ARK2N: variants seen among roughly 807,000 people sequenced by gnomAD.
ARK2N encodes the protein arkadia (RNF111) N-terminal like PKA signaling regulator 2N.
the ARK2N span, among the ~76,000 whole-genome samples, chr18:46,182,011 T>A: frequency 2.0e-5 from 3 of 152,248 alleles, no homozygotes; most frequent in Admixed American, 1.3e-4. Flanking sequence ...TTTAAAAAAA[T>A]GACCTTTACA....
chr18:46,259,224 C>T, the ARK2N span, among the ~76,000 whole-genome samples: 1 of 151,632 alleles, frequency 6.6e-6, no homozygotes, highest in Non-Finnish European at 1.5e-5. Flanking sequence ...ACAGAAGTCA[C>T]TCTGAGCTTT....
At chr18:46,188,793 AC>A in the ARK2N span, among the ~76,000 whole-genome samples, 1 of 152,198 alleles carries the variant, frequency 6.6e-6, no homozygotes, top group Non-Finnish European at 1.5e-5. Context: ...CCGGGGGATC[AC>A]TTGAGCCCAG....
the ARK2N span, among the ~76,000 whole-genome samples, chr18:46,244,601 A>ATTTTTTTTTTTTTTT: frequency 6.0e-4 from 56 of 93,864 alleles, 1 homozygote; most frequent in Admixed American, 1.2e-3. Context: ...AAGAGTTTAG[A>ATTTTTTTTTTTTTTT]TTTTTTTTTT....
the ARK2N span, among the ~76,000 whole-genome samples, chr18:46,223,532 CAG>C: frequency 2.1e-3 from 326 of 152,268 alleles, 1 homozygote; most frequent in African/African-American, 7.3e-3. Flanking sequence ...GATAGTGAGA[CAG>C]GGGAAACTTC....
At chr18:46,209,098 C>T in the ARK2N span, among the ~76,000 whole-genome samples, 100 of 152,004 alleles carry the variant, frequency 6.6e-4, 1 homozygote, top group East Asian at 0.015. Context: ...GTGTGTGGTC[C>T]GAGATGAAAA....
the ARK2N span, among the ~76,000 whole-genome samples, chr18:46,205,288 C>T: frequency 7.7e-3 from 1,177 of 152,180 alleles, 13 homozygotes; most frequent in African/African-American, 0.026. Flanking sequence ...ACAGGTAATA[C>T]GGAAAGGGGT....
the ARK2N span, among the ~76,000 whole-genome samples, chr18:46,207,388 C>CTTTTTTTTTTTTTTTTTTTTTTTTT: frequency 3.5e-5 from 4 of 115,908 alleles, no homozygotes; most frequent in African/African-American, 1.3e-4. Flanking sequence ...AGTTTCTATA[C>CTTTTTTTTTTTTTTTTTTTTTTTTT]TTTTTTTTTT....
the ARK2N span, among the ~76,000 whole-genome samples, chr18:46,197,149 T>C: frequency 6.6e-6 from 1 of 152,130 alleles, no homozygotes; most frequent in African/African-American, 2.4e-5. Flanking sequence ...TGTGAACAGA[T>C]AAAAAAAGAT....
chr18:46,245,747 C>T, the ARK2N span, among the ~76,000 whole-genome samples: 2 of 152,108 alleles, frequency 1.3e-5, no homozygotes, highest in Non-Finnish European at 2.9e-5. Context: ...CTAGTTCTTA[C>T]CCAGTGGATT....
the ARK2N span, among the ~76,000 whole-genome samples, chr18:46,194,126 AT>A: frequency 2.6e-4 from 40 of 151,790 alleles, no homozygotes; most frequent in Non-Finnish European, 5.2e-4. Flanking sequence ...TAATTTTTAA[AT>A]TTTTTGTATA....
At chr18:46,247,104 A>G in the ARK2N span, among the ~76,000 whole-genome samples, 4 of 152,216 alleles carry the variant, frequency 2.6e-5, no homozygotes, top group Non-Finnish European at 5.9e-5. Flanking sequence ...TGTGGAAGGA[A>G]TATTACTAGT....
the ARK2N span, among the ~76,000 whole-genome samples, chr18:46,180,574 C>T: frequency 6.6e-6 from 1 of 152,082 alleles, no homozygotes; most frequent in African/African-American, 2.4e-5. Flanking sequence ...GGCATGGTGG[C>T]GCATGCCTGT....
At chr18:46,188,585 A>G in the ARK2N span, among the ~76,000 whole-genome samples, 4 of 152,104 alleles carry the variant, frequency 2.6e-5, no homozygotes, top group Admixed American at 6.6e-5. Context: ...AGCTCAAGCA[A>G]TCCTCCTACC....
At chr18:46,247,626 T>C in the ARK2N span, among the ~76,000 whole-genome samples, 2 of 152,252 alleles carry the variant, frequency 1.3e-5, no homozygotes, top group African/African-American at 4.8e-5. Flanking sequence ...ACTGTGAGTC[T>C]GCCACAAGTG....
the ARK2N span, chr18:46,239,988 T>C: frequency 6.2e-7 from 1 of 1,611,512 alleles, no homozygotes; most frequent in Non-Finnish European, 8.5e-7. Context: ...CAAGTATACA[T>C]TTTCTTTCCT....
At chr18:46,232,808 A>T in the ARK2N span, 1 of 152,222 alleles carries the variant, frequency 6.6e-6, no homozygotes. Context: ...CTTATTCCTA[A>T]TATAACTTTA....
the ARK2N span, among the ~76,000 whole-genome samples, chr18:46,185,098 T>C: frequency 1.1e-4 from 17 of 152,256 alleles, no homozygotes; most frequent in Non-Finnish European, 1.9e-4. Flanking sequence ...AAATGAATAG[T>C]ACTTTTAAGC....
the ARK2N span, among the ~76,000 whole-genome samples, chr18:46,188,139 G>A: frequency 6.6e-6 from 1 of 152,180 alleles, no homozygotes; most frequent in Non-Finnish European, 1.5e-5. Context: ...GATAATGTCA[G>A]GCAAGAGTAA....
At chr18:46,234,037 A>G in the ARK2N span, among the ~76,000 whole-genome samples, 1 of 152,016 alleles carries the variant, frequency 6.6e-6, no homozygotes, top group African/African-American at 2.4e-5. Context: ...ATAGATTTTT[A>G]TCTTTTGTTG....
Sources: allele counts gnomAD v4.1 joint callset (sites outside exome capture counted in the v4.1 genomes callset), GRCh38; gene constraint gnomAD v4.1.1; transcripts MANE v1.5; gene names NCBI Gene and HGNC (gene_info 2026-07-23, HGNC 2026-07-21).